RUBCN: variants seen among roughly 807,000 people sequenced by gnomAD.
The protein encoded by RUBCN is run domain Beclin-1-interacting and cysteine-rich domain-containing protein.
Under a neutral mutation model 113.2 loss-of-function variants are expected in RUBCN, and 74 were observed. The ratio of observed to expected loss-of-function variants is 0.65; its 90% CI spans 0.54 to 0.79. The LOEUF is 0.79. Among genes scored for constraint, RUBCN ranks in the 30% least tolerant of loss-of-function variants. RUBCN has a pLI of 0.00. For missense variants in RUBCN, 1,109 were observed against 1,251.7 expected (o/e 0.89, Z 1.72); for synonymous variants, 480 against 490.0 (o/e 0.98, Z 0.27).
intron 11 of RUBCN, among the ~76,000 whole-genome samples, chr3:197,688,520 C>G (rs1262994110): frequency 1.3e-5 from 2 of 152,186 alleles, no homozygotes; most frequent in East Asian, 3.8e-4. Context: ...ATTCAAATTA[C>G]TGTGTAGTTT....
At chr3:197,708,651 G>A (rs548036099) in intron 2 of RUBCN, among the ~76,000 whole-genome samples, 1 of 151,874 alleles carries the variant, frequency 6.6e-6, no homozygotes, top group African/African-American at 2.4e-5. Flanking sequence ...CTCAAGTTGG[G>A]TATAGATAAT....
At chr3:197,676,354 C>T (rs1720418324) in intron 18 of RUBCN, 4 of 997,382 alleles carry the variant, frequency 4.0e-6, no homozygotes, top group Non-Finnish European at 4.8e-6. Context: ...ACTCTTGTCG[C>T]TCAGGCTGGA....
intron 1 of RUBCN, among the ~76,000 whole-genome samples, chr3:197,731,642 C>G (rs1727492091): frequency 2.7e-5 from 4 of 150,758 alleles, no homozygotes; most frequent in African/African-American, 9.8e-5. Flanking sequence ...CCACCTCCCT[C>G]CCGGACGGGG....
intron 7 of RUBCN, among the ~76,000 whole-genome samples, chr3:197,697,378 T>C (rs1723133106): frequency 6.6e-6 from 1 of 152,258 alleles, no homozygotes; most frequent in Non-Finnish European, 1.5e-5. Context: ...AGCTGATTCC[T>C]ATCCTCTTGA....
chr3:197,676,919 G>A lies in RUBCN; in HGVS notation c.2612C>T (p.Thr871Ile). ...GELGPRLAEL[T>I]RAGATHVERC... Reference sequence around the variant, plus strand: ...CTCCACATGGGTAGCCCCTGCCCTGGTGAGCTCAGCAAGCCGGGGCCCCAG... The same window carrying A: ...CTCCACATGGGTAGCCCCTGCCCTGATGAGCTCAGCAAGCCGGGGCCCCAG... Residue 871 changes from threonine to isoleucine, a missense_variant, in exon 18 of 20, where the codon ACC becomes ATC. Thr to Ile is a moderately conservative substitution (Grantham distance 89, BLOSUM62 -1). This residue lies in a region of RUBCN where 306 missense variants were observed against 348.9 expected (regional missense o/e 0.88). Transcript: ENST00000296343. 6.2e-7 allele frequency: 1 copy of A among 1,614,220 alleles called. No individual in the cohort carries two copies. The highest frequency in any genetic ancestry group is 8.5e-7 in the Non-Finnish European group (1 of 1,180,048).
intron 11 of RUBCN, among the ~76,000 whole-genome samples, chr3:197,688,423 G>A (rs996738578): frequency 3.3e-5 from 5 of 152,204 alleles, no homozygotes; most frequent in Non-Finnish European, 5.9e-5. Flanking sequence ...GTACTCTTGA[G>A]AGTCTTCTTT....
intron 1 of RUBCN, among the ~76,000 whole-genome samples, chr3:197,748,878 G>C (rs999211427): frequency 2.6e-5 from 4 of 152,220 alleles, no homozygotes; most frequent in African/African-American, 9.6e-5. Flanking sequence ...TTAAGCAAAG[G>C]CTACTGTGGT....
At chr3:197,749,526 C>T (rs1207522055) in exon 1 of RUBCN, 12 of 1,290,490 alleles carry the variant, frequency 9.3e-6, no homozygotes, top group Non-Finnish European at 1.2e-5. Flanking sequence ...TCTGTCCTGC[C>T]TCCCGAGGCT....
chr3:197,719,670 A>G (rs1057300750), intron 1 of RUBCN, among the ~76,000 whole-genome samples: 3 of 152,108 alleles, frequency 2.0e-5, no homozygotes, highest in African/African-American at 7.2e-5. Context: ...AAGTGTCCCT[A>G]AGGTGCCAAA....
At chr3:197,677,274 G>A (rs1260054595) in intron 17 of RUBCN, among the ~76,000 whole-genome samples, 2 of 152,174 alleles carry the variant, frequency 1.3e-5, no homozygotes, top group African/African-American at 2.4e-5. Context: ...GAAGAGAGGT[G>A]GCCTGTCCTG....
intron 1 of RUBCN, among the ~76,000 whole-genome samples, chr3:197,729,121 G>A (rs1365807546): frequency 6.7e-6 from 1 of 149,758 alleles, no homozygotes; most frequent in Non-Finnish European, 1.5e-5. Context: ...TTTCTGGCCT[G>A]GGCAACAGAG....
chr3:197,736,674 G>A lies in RUBCN; in HGVS notation c.46C>T (p.Arg16Cys). The A allele has an allele frequency of 2.0e-6, 3 of 1,532,184 alleles. No homozygotes were observed. Among genetic ancestry groups the A allele is most frequent in the South Asian group, 2.4e-5 (2 of 83,890 alleles). The allele number at this position is 1,532,184 out of a possible 1,614,324, so 94.9% of individuals were successfully genotyped here. A position where few individuals can be genotyped will look rare whatever the true frequency, so the allele number is the denominator to read the frequency against. Residue 16 changes from arginine to cysteine, a missense_variant, in exon 1 of 20, where the codon CGC (arginine) becomes TGC (cysteine). Coordinates refer to ENST00000296343, the MANE Select transcript of RUBCN (RefSeq NM_014687.4). ...AGMELGGGEE[R>C]LPEESRREHW... The stretch of plus-strand genomic sequence containing the variant: ...GCCCACCTGCTCTCCTCAGGCAGGC[G>A]CTCCTCGCCGCCTCCGAGCTCCATT...
At chr3:197,730,109 G>A (rs1253028818) in intron 1 of RUBCN, among the ~76,000 whole-genome samples, 1 of 152,214 alleles carries the variant, frequency 6.6e-6, no homozygotes, top group Non-Finnish European at 1.5e-5. Flanking sequence ...TCCCCAAGAA[G>A]AGATTATATG....
intron 18 of RUBCN, 72 bp downstream of exon 18, chr3:197,676,813 C>A (rs764014410): frequency 1.9e-6 from 3 of 1,610,362 alleles, no homozygotes; most frequent in South Asian, 1.1e-5. Context: ...TGGCAAGAAC[C>A]CCAGGTCCAC....
In RUBCN at chr3:197,694,468, C is replaced by T; in HGVS notation, c.1591G>A (p.Glu531Lys). The T allele has an allele frequency of 6.2e-7, 1 of 1,614,192 alleles. No individual in the cohort carries two copies. The highest frequency in any genetic ancestry group is 8.5e-7 in the Non-Finnish European group (1 of 1,180,030). Residue 531 changes from glutamate (E) to lysine (K), a missense_variant, in exon 10 of 20, where the codon GAG becomes AAG. Glu to Lys is a moderately conservative substitution (Grantham distance 56). This residue lies in a region of RUBCN where 736 missense variants were observed against 779.6 expected (regional missense o/e 0.94). Coordinates refer to ENST00000296343, the MANE Select transcript of RUBCN (RefSeq NM_014687.4). Reference protein sequence around the residue: ...EEVEEEDSDREIQELKQKIRL... With the variant: ...EEVEEEDSDRKIQELKQKIRL... ...ATCTTCTGCTTCAGCTCCTGGATCT[C>T]TCTATCACTGTCTTCCTCTTCCACT... is the stretch of plus-strand genomic sequence containing the variant.
At chr3:197,729,753 T>G (rs1356696891) in intron 1 of RUBCN, among the ~76,000 whole-genome samples, 1 of 151,258 alleles carries the variant, frequency 6.6e-6, no homozygotes, top group Non-Finnish European at 1.5e-5. Flanking sequence ...GAGACAGCAT[T>G]TTGCCATGTT....
chr3:197,709,514 G>C (rs991981772), intron 2 of RUBCN, among the ~76,000 whole-genome samples: 6 of 152,258 alleles, frequency 3.9e-5, no homozygotes, highest in Non-Finnish European at 5.9e-5. Context: ...CTGAGTAGCT[G>C]GGATTACAGG....
rs886988269 is a variant in RUBCN, at chr3:197,675,441, A to G, written c.2721T>C (p.His907=). The part of the protein sequence containing the change: ...EDDIIFPFEL[H]KCRTCEECKA... ...CCTCACCTTCACAGGTCCGGCACTT[A>G]TGGAGCTCAAAGGGAAAGATGATGT... The change falls in exon 19 of 20, where the codon CAT becomes CAC. Residue 907 remains histidine (H), a synonymous_variant. Transcript: ENST00000296343. The surrounding 1 kb of genome is among the most constrained non-coding windows in gnomAD (Gnocchi z 4.4). The G allele has an allele frequency of 8.7e-6, 14 of 1,613,622 alleles. No individual in the cohort carries two copies. In the Admixed American group the frequency reaches 2.2e-4, roughly 25 times the overall value.
chr3:197,686,731 G>A (rs1330993632), intron 11 of RUBCN, among the ~76,000 whole-genome samples: 3 of 152,238 alleles, frequency 2.0e-5, no homozygotes, highest in Non-Finnish European at 4.4e-5. Context: ...GAGACACTCA[G>A]CATCCAAGTG....
Sources: allele counts gnomAD v4.1 joint callset (sites outside exome capture counted in the v4.1 genomes callset), GRCh38; gene constraint gnomAD v4.1.1; regional missense constraint gnomAD v4.1.1; non-coding constraint Gnocchi (gnomAD v3.1); transcripts MANE v1.5; gene names NCBI Gene and HGNC (gene_info 2026-07-23, HGNC 2026-07-21).